The following SPEN variants were observed in gnomAD, a reference collection of about 807,000 sequenced individuals.
The protein encoded by SPEN is spen family transcriptional repressor.
A neutral mutation model predicts 269.9 loss-of-function variants in SPEN; 18 were observed. The observed-to-expected ratio is 0.07, with a 90% CI of 0.05 to 0.10. The LOEUF (loss-of-function observed/expected upper bound fraction) is 0.10, where lower values mean the gene tolerates loss of function less well. Among genes scored for constraint, SPEN ranks in the 10% least tolerant of loss-of-function variants. The pLI is 1.00. For missense variants in SPEN, 3,822 were observed against 4,631.2 expected, an observed-to-expected ratio of 0.83 and a Z score of 5.07; for synonymous variants, 1,726 against 1,765.7, an observed-to-expected ratio of 0.98 and a Z score of 0.56.
Position 15,928,113 on chromosome 1 carries a change from G to T in SPEN, c.1873G>T (p.Asp625Tyr), listed in dbSNP as rs1350671357. 1 of 1,608,092 alleles carries T rather than the reference G, an allele frequency of 6.2e-7. No individual in the cohort carries two copies. The highest frequency in any genetic ancestry group is 1.1e-5 in the South Asian group (1 of 90,496). Residue 625 changes from aspartate to tyrosine, a missense_variant, in exon 11 of 15, where the codon GAC becomes TAC. Physicochemically the swap from Asp to Tyr is radical, Grantham distance 160. Coordinates refer to ENST00000375759, the MANE Select transcript of SPEN (RefSeq NM_015001.3). The surrounding 1 kb of genome is among the most constrained non-coding windows in gnomAD (Gnocchi z 5.7). ...CAGAGAGGAACGAAGGGCATCCTAC[G>T]ACTATAACCAAGATCGTACATATTA... is the stretch of plus-strand genomic sequence containing the variant. Reference protein sequence around the residue: ...ERREERRASYDYNQDRTYYES... With the variant: ...ERREERRASYYYNQDRTYYES...
Position 15,873,020 on chromosome 1 carries a change from C to T in SPEN, c.288C>T (p.Ser96=), listed in dbSNP as rs750905469. 5.6e-6 allele frequency: 9 copies of T among 1,614,028 alleles called. No homozygotes were observed. Among genetic ancestry groups the T allele is most frequent in the South Asian group, 4.4e-5 (4 of 91,090 alleles). ...SAARGLDDTV[S]IASRSREVSG... ...CTCGGGGATTGGATGATACAGTTTCCATAGCATCTCGTAGTAGAGAGGTTT... is the reference window on the plus strand; with the variant it reads ...CTCGGGGATTGGATGATACAGTTTCTATAGCATCTCGTAGTAGAGAGGTTT... Residue 96 remains serine, a synonymous_variant, in exon 2 of 15, where the codon TCC becomes TCT. Coordinates refer to ENST00000375759, the MANE Select transcript of SPEN (RefSeq NM_015001.3).
chr1:15,878,134 G>T (rs1569995277), intron 3 of SPEN, among the ~76,000 whole-genome samples: 1 of 152,078 alleles, frequency 6.6e-6, no homozygotes, highest in Admixed American at 6.6e-5. Context: ...TTGATACCTA[G>T]TATATGTTAA....
At chr1:15,925,529 C>G (rs1265801788) in intron 10 of SPEN, among the ~76,000 whole-genome samples, 1 of 151,906 alleles carries the variant, frequency 6.6e-6, no homozygotes, top group African/African-American at 2.4e-5. Flanking sequence ...AGCATGAATG[C>G]TTATACATAT....
chr1:15,869,587 T>TTTATTTATTTAG (rs2070552683), intron 1 of SPEN, among the ~76,000 whole-genome samples: 2 of 150,412 alleles, frequency 1.3e-5, no homozygotes, highest in Non-Finnish European at 3.0e-5. Flanking sequence ...ACTGTATTTA[T>TTTATTTATTTAG]TTATTTATTT....
rs1234992271 is a variant in SPEN at position 15,853,344 on chromosome 1, GC to G, written c.83+5196del. On this transcript the variant is annotated intron_variant, in intron 1 of 14. Coordinates refer to ENST00000375759, the MANE Select transcript of SPEN (RefSeq NM_015001.3). ...TGGGACTACAGGCCCGTGCCACCAT[GC>G]CTGGCTAATTTTTGTATTTTTAGTA... is the stretch of plus-strand genomic sequence containing the variant. Among the ~76,000 whole-genome samples, 3 of 150,740 alleles carry G rather than the reference GC, an allele frequency of 2.0e-5. No individual in the cohort carries two copies. The East Asian group carries it at 5.9e-4, about 30-fold the overall frequency.
Position 15,927,255 on chromosome 1 carries a change from G to A in SPEN, c.1851-836G>A, listed in dbSNP as rs116056047. Among the ~76,000 whole-genome samples the A allele has an allele frequency of 8.8e-3, 1,336 of 152,310 alleles. 8 individuals are homozygous for A. The highest frequency in any genetic ancestry group is 0.014 in the Non-Finnish European group (961 of 68,038). On this transcript the variant is annotated intron_variant, in intron 10 of 14. Transcript: ENST00000375759. ...GAGGAGTTCTCTCATGGTGCTTGCA[G>A]TCATCCCTGGTTTGTTAGTTGGCAG...
intron 1 of SPEN, among the ~76,000 whole-genome samples, chr1:15,858,252 C>CAAA (rs34220792): frequency 6.8e-5 from 10 of 146,468 alleles, no homozygotes; most frequent in Non-Finnish European, 1.2e-4. Flanking sequence ...CTGGGCCCAG[C>CAAA]AAAAAAAAAA....
At chr1:15,890,558 G>GTTTTTTT (rs1174783667) in intron 3 of SPEN, among the ~76,000 whole-genome samples, 1 of 129,750 alleles carries the variant, frequency 7.7e-6, no homozygotes, top group African/African-American at 3.0e-5. Flanking sequence ...TTTGACTCAG[G>GTTTTTTT]TTTTTTTTTT....
At chr1:15,901,200 A>AT (rs1386668321) in intron 3 of SPEN, among the ~76,000 whole-genome samples, 3 of 150,984 alleles carry the variant, frequency 2.0e-5, no homozygotes, top group Non-Finnish European at 4.4e-5. Context: ...AAAAAAAAAA[A>AT]GGTGTAGGGG....
chr1:15,862,380 C>T (rs1473336684), intron 1 of SPEN, among the ~76,000 whole-genome samples: 4 of 152,086 alleles, frequency 2.6e-5, no homozygotes, highest in Non-Finnish European at 1.5e-5. Flanking sequence ...GAATAGTGTC[C>T]GAATGTTAGC....
chr1:15,934,667 C>T lies in SPEN; in HGVS notation c.8427C>T (p.Asn2809=), dbSNP rs372210732. The T allele has an allele frequency of 3.1e-6, 5 of 1,614,010 alleles. No homozygotes were observed. The African/African-American group carries it at 5.3e-5, about 17-fold the overall frequency. ...DAGSGAGLRV[N]TSEGVVLLSY... ...GCTCAGGGGCGGGGCTGCGTGTGAA[C>T]ACTTCTGAAGGGGTTGTGCTCCTGA... The change falls in exon 11 of 15, where the codon AAC becomes AAT. Residue 2809 remains asparagine, a synonymous_variant. Coordinates refer to ENST00000375759, the MANE Select transcript of SPEN (RefSeq NM_015001.3). This position sits in a 1 kb window ranked among gnomAD's most constrained non-coding sequence, Gnocchi z 9.2.
rs2148739163 is a variant in SPEN, at chr1:15,930,210, G to A, written c.3970G>A (p.Ala1324Thr). The part of the protein sequence containing the change: ...SSRREQMADM[A>T]KIKLSVLNSE... ...CAGGAGAGAACAGATGGCAGATATGGCCAAAATAAAACTATCTGTCTTGAA... is the reference window on the plus strand; with the variant it reads ...CAGGAGAGAACAGATGGCAGATATGACCAAAATAAAACTATCTGTCTTGAA... The change falls in exon 11 of 15, where the codon GCC (alanine) becomes ACC (threonine). Residue 1324 changes from alanine (A) to threonine (T), a missense_variant. Ala to Thr is a moderately conservative substitution (Grantham distance 58). This residue lies in a region of SPEN where 267 missense variants were observed against 315.5 expected (regional missense o/e 0.85). Coordinates refer to ENST00000375759, the MANE Select transcript of SPEN (RefSeq NM_015001.3). The surrounding 1 kb of genome is among the most constrained non-coding windows in gnomAD (Gnocchi z 5.3). The A allele has an allele frequency of 6.2e-7, 1 of 1,614,094 alleles. No homozygotes were observed. Among genetic ancestry groups the A allele is most frequent in the East Asian group, 2.2e-5 (1 of 44,884 alleles).
intron 13 of SPEN, 187 bp from the exon 14 acceptor site, chr1:15,938,531 T>C: frequency 1.8e-6 from 1 of 547,962 alleles, no homozygotes. Flanking sequence ...AAAATTATTA[T>C]TTTTTAAATC....
chr1:15,894,536 G>GGTTTTTTTT (rs1553177206), intron 3 of SPEN, among the ~76,000 whole-genome samples: 1 of 100,380 alleles, frequency 1.0e-5, no homozygotes, highest in African/African-American at 4.2e-5. Context: ...TATTATGGTT[G>GGTTTTTTTT]TTTTTTTTTT....
At chr1:15,894,073 A>T (rs2070815435) in intron 3 of SPEN, among the ~76,000 whole-genome samples, 1 of 152,168 alleles carries the variant, frequency 6.6e-6, no homozygotes, top group Admixed American at 6.6e-5. Flanking sequence ...GTAAGGCTAC[A>T]TCAGTTGTAT....
intron 1 of SPEN, among the ~76,000 whole-genome samples, chr1:15,852,493 A>C (rs2070345829): frequency 1.3e-5 from 2 of 152,166 alleles, no homozygotes; most frequent in African/African-American, 2.4e-5. Context: ...CAAAATAATA[A>C]AAAATAATAA....
chr1:15,926,123 C>T (rs2071163767), intron 10 of SPEN, among the ~76,000 whole-genome samples: 1 of 152,134 alleles, frequency 6.6e-6, no homozygotes, highest in African/African-American at 2.4e-5. Flanking sequence ...AGGCCAGGCA[C>T]AGTGGCTCAT....
intron 3 of SPEN, among the ~76,000 whole-genome samples, chr1:15,899,537 G>GTTT (rs34565365): frequency 0.046 from 3,833 of 83,396 alleles, 483 homozygotes; most frequent in Non-Finnish European, 0.069. Flanking sequence ...ATGTGGCAGA[G>GTTT]TTTTTTTTTT....
chr1:15,916,987 C>G (rs2235741), intron 6 of SPEN, among the ~76,000 whole-genome samples: 1 of 151,950 alleles, frequency 6.6e-6, no homozygotes. Context: ...ATTAGCTGGG[C>G]GTTGGTGGCT....
Sources: allele counts gnomAD v4.1 joint callset (sites outside exome capture counted in the v4.1 genomes callset), GRCh38; gene constraint gnomAD v4.1.1; regional missense constraint gnomAD v4.1.1; non-coding constraint Gnocchi (gnomAD v3.1); transcripts MANE v1.5; gene names NCBI Gene and HGNC (gene_info 2026-07-23, HGNC 2026-07-21).